Variants in LRP2 observed in about 807,000 individuals in gnomAD.
LRP2 encodes low-density lipoprotein receptor-related protein 2.
LRP2 carries 172 observed loss-of-function variants against 531.0 expected under a neutral mutation model. The ratio of observed to expected loss-of-function variants is 0.32; its 90% confidence interval spans 0.29 to 0.37. LRP2 has a LOEUF of 0.37. LRP2 is among the 10% of genes least tolerant of loss of function. The pLI is 1.00. For missense variants in LRP2, 5,167 were observed against 5,868.3 expected (o/e 0.88, Z 3.90); for synonymous variants, 1,992 against 2,027.6 (o/e 0.98, Z 0.47).
In LRP2 at chr2:169,128,250, A is replaced by C. The variant is rs1306887747; in HGVS notation, c.*413T>G. ...CTGGATTCCTTTCCTAGATAATTTT[A>C]TAGGAAATATGAGTGGTGCCTCTTC... On this transcript the variant is annotated 3_prime_UTR_variant, in exon 79 of 79. Transcript: ENST00000649046. 1 of 178,370 alleles carries C rather than the reference A, an allele frequency of 5.6e-6. No individual in the cohort carries two copies. The highest frequency in any genetic ancestry group is 1.6e-4 in the East Asian group (1 of 6,146). 11.0% of individuals were successfully genotyped at this position (178,370 alleles called of 1,614,324 possible).
At chr2:169,240,669 TAG>T (rs1479056773) in intron 25 of LRP2, 1 of 515,858 alleles carries the variant, frequency 1.9e-6, no homozygotes, top group African/African-American at 1.9e-5. Context: ...ATATTAAAGT[TAG>T]AAAAATTAAT....
Position 169,241,147 on chromosome 2 carries a change from A to C in LRP2, c.3886T>G (p.Cys1296Gly). ...TCCTTCTCATCACTCATATCCCCGC[A>C]GTCATTGTCCCGATCACAGAGCCAT... Reference protein sequence around the residue: ...RAWLCDRDNDCGDMSDEKDCP... With the variant: ...RAWLCDRDNDGGDMSDEKDCP... The change falls in exon 25 of 79, where the codon TGC (cysteine) becomes GGC (glycine). Residue 1296 changes from cysteine (C) to glycine (G), a missense_variant. Cys to Gly is a radical substitution (Grantham distance 159). Around this residue, in one of 6 missense-constraint regions of LRP2, gnomAD observed 2,811 missense variants for 3,058.0 expected, o/e 0.92. Coordinates refer to ENST00000649046, the MANE Select transcript of LRP2 (RefSeq NM_004525.3). The C allele has an allele frequency of 6.2e-7, 1 of 1,614,216 alleles. No homozygotes were observed. The highest frequency in any genetic ancestry group is 8.5e-7 in the Non-Finnish European group (1 of 1,180,038).
Position 169,333,343 on chromosome 2 carries a change from C to A in LRP2, c.80-12459G>T, listed in dbSNP as rs555718230. The stretch of plus-strand genomic sequence containing the variant: ...TAAGCGACCTCTGTATTCCCAGGGC[C>A]TGTTACAGGACCTCCTAGTACCCAG... On this transcript the variant is annotated intron_variant, in intron 1 of 78. Coordinates refer to ENST00000649046, the MANE Select transcript of LRP2 (RefSeq NM_004525.3). 3.2e-4 allele frequency among the ~76,000 whole-genome samples: 48 copies of A among 152,108 alleles called. No individual in the cohort carries two copies. In the South Asian group the frequency reaches 6.6e-3, roughly 21 times the overall value.
At chr2:169,175,497 T>C in intron 54 of LRP2, 108 bp from the exon 55 acceptor site, 2 of 994,456 alleles carry the variant, frequency 2.0e-6, no homozygotes, top group Non-Finnish European at 3.1e-6. Context: ...ATGAGCTCTC[T>C]CGTGGCCCTA....
intron 70 of LRP2, among the ~76,000 whole-genome samples, chr2:169,144,800 A>G (rs4668122): frequency 0.71 from 108,204 of 151,968 alleles, 39,138 homozygotes; most frequent in South Asian, 0.86. Context: ...AGACAACCCC[A>G]GACTCCACCC....
chr2:169,173,331 A>C, intron 56 of LRP2, 107 bp from the exon 57 acceptor site: 1 of 1,371,186 alleles, frequency 7.3e-7, no homozygotes, highest in Non-Finnish European at 1.0e-6. Context: ...CCATGTTACC[A>C]AGCAAACCGC....
chr2:169,156,508 A>G (rs1421074235), intron 64 of LRP2, 103 bp from the exon 65 acceptor site: 3 of 1,284,094 alleles, frequency 2.3e-6, no homozygotes, highest in Non-Finnish European at 3.4e-6. Flanking sequence ...AGGACCGAGA[A>G]GGGTACAGAT....
At chr2:169,361,089 A>G in intron 1 of LRP2, among the ~76,000 whole-genome samples, 1 of 152,130 alleles carries the variant, frequency 6.6e-6, no homozygotes, top group East Asian at 1.9e-4. Flanking sequence ...TTGTAGGGCA[A>G]TTAAGTTGTC....
intron 1 of LRP2, among the ~76,000 whole-genome samples, chr2:169,361,784 A>T (rs1464455702): frequency 6.6e-6 from 1 of 152,106 alleles, no homozygotes; most frequent in Non-Finnish European, 1.5e-5. Flanking sequence ...CTTGGCTCGT[A>T]AATGATCTGT....
chr2:169,247,602 G>C, intron 19 of LRP2, 87 bp from the exon 20 acceptor site: 1 of 1,423,802 alleles, frequency 7.0e-7, no homozygotes, highest in Non-Finnish European at 9.9e-7. Flanking sequence ...GGCTTGAAAT[G>C]CTTCTTGCAA....
At position 169,262,246 on chromosome 2, in the gene LRP2, C is replaced by T. The variant is rs377244000; in HGVS notation, c.2321-3029G>A. On this transcript the variant is annotated intron_variant, in intron 16 of 78. Coordinates refer to ENST00000649046, the MANE Select transcript of LRP2 (RefSeq NM_004525.3). Reference sequence around the variant, plus strand: ...CATAGTGTTGGAAATTCTGGCCAGGCCAATTAGGCAGGAGAAGGAAATAAA... The same window carrying T: ...CATAGTGTTGGAAATTCTGGCCAGGTCAATTAGGCAGGAGAAGGAAATAAA... Among the ~76,000 whole-genome samples the T allele has an allele frequency of 5.5e-5, 8 of 145,004 alleles. No individual in the cohort carries two copies. In the East Asian group the frequency reaches 1.2e-3, roughly 22 times the overall value.
chr2:169,272,751 T>C (rs924873315), intron 15 of LRP2, among the ~76,000 whole-genome samples, 176 bp downstream of exon 15: 2 of 152,170 alleles, frequency 1.3e-5, no homozygotes, highest in Non-Finnish European at 2.9e-5. Flanking sequence ...GTTCTGTGTA[T>C]AGTAGAAGTG....
At chr2:169,225,269 TA>T (rs1198552775) in intron 33 of LRP2, 40 bp downstream of exon 33, 6 of 1,600,990 alleles carry the variant, frequency 3.7e-6, no homozygotes, top group Non-Finnish European at 5.1e-6. Context: ...TACATCAATC[TA>T]AATCCAATGT....
chr2:169,307,337 T>C lies in LRP2; in HGVS notation c.371A>G (p.Glu124Gly). The C allele has an allele frequency of 1.2e-6, 2 of 1,614,028 alleles. No individual in the cohort carries two copies. Among genetic ancestry groups the C allele is most frequent in the Non-Finnish European group, 1.7e-6 (2 of 1,179,868 alleles). The change falls in exon 4 of 79, where the codon GAA (glutamate) becomes GGA (glycine). Residue 124 changes from glutamate to glycine, a missense_variant. Glu to Gly is a moderately conservative substitution (Grantham distance 98). Around this residue, in one of 6 missense-constraint regions of LRP2, gnomAD observed 2,811 missense variants for 3,058.0 expected, o/e 0.92. Transcript: ENST00000649046. The stretch of plus-strand genomic sequence containing the variant: ...GTCTCTGACGTGGTCGCACCTGTAT[T>C]CACTTGGGATACACTGACCATTGGA... ...TCSNGQCIPS[E>G]YRCDHVRDCP...
Position 169,239,738 on chromosome 2 carries a change from A to G in LRP2, c.4083T>C (p.Thr1361=). ...CAAAGGGCTCTTGAACACACTCGTG[A>G]GTACAACCACCATTGAAATCTGAGC... The part of the protein sequence containing the change: ...NSCSDFNGGC[T]HECVQEPFGA... The change falls in exon 26 of 79, where the codon ACT becomes ACC. Residue 1361 remains threonine (T), a synonymous_variant. Coordinates refer to ENST00000649046, the MANE Select transcript of LRP2 (RefSeq NM_004525.3). The G allele has an allele frequency of 6.2e-7, 1 of 1,614,096 alleles. No homozygotes were observed. The highest frequency in any genetic ancestry group is 1.6e-4 in the Middle Eastern group (1 of 6,062).
At chr2:169,154,925 T>TA (rs1287794506) in intron 65 of LRP2, among the ~76,000 whole-genome samples, 1 of 152,216 alleles carries the variant, frequency 6.6e-6, no homozygotes, top group African/African-American at 2.4e-5. Flanking sequence ...GAATTGTTTT[T>TA]ATTTACTGAC....
intron 33 of LRP2, among the ~76,000 whole-genome samples, chr2:169,222,155 A>C (rs143694313): frequency 1.3e-4 from 20 of 152,306 alleles, no homozygotes; most frequent in African/African-American, 4.6e-4. Context: ...TACAATTTAA[A>C]TGACCTAAGG....
intron 59 of LRP2, among the ~76,000 whole-genome samples, chr2:169,170,236 G>A (rs186210115): frequency 1.4e-4 from 22 of 152,268 alleles, no homozygotes; most frequent in South Asian, 1.2e-3. Flanking sequence ...GTGACTTTCC[G>A]TGGAATAGTA....
At chr2:169,256,338 TAAAC>T (rs958799040) in intron 18 of LRP2, 102 bp from the exon 19 acceptor site, 1 of 842,534 alleles carries the variant, frequency 1.2e-6, no homozygotes, top group African/African-American at 1.7e-5. Context: ...ACACATTTAT[TAAAC>T]AAAGTTTTTA....
Sources: allele counts gnomAD v4.1 joint callset (sites outside exome capture counted in the v4.1 genomes callset), GRCh38; gene constraint gnomAD v4.1.1; regional missense constraint gnomAD v4.1.1; transcripts MANE v1.5; gene names NCBI Gene and HGNC (gene_info 2026-07-23, HGNC 2026-07-21).